Variants in CLEC12B observed in about 807,000 individuals in gnomAD.
The protein encoded by CLEC12B is macrophage antigen h.
Under a neutral mutation model 36.1 loss-of-function variants are expected in CLEC12B, and 25 were observed. That is an observed-to-expected ratio of 0.69 (90% CI 0.50 to 0.97). The LOEUF is 0.97. CLEC12B is among the 50% of genes least tolerant of loss of function. The pLI is 0.00. For synonymous variants in CLEC12B, 110 were observed against 108.5 expected, an observed-to-expected ratio of 1.01 and a Z score of -0.09; for missense variants, 325 against 318.4, an observed-to-expected ratio of 1.02 and a Z score of -0.16.
rs1051262244 is a variant in CLEC12B, at chr12:10,018,613, CT to C, written c.*134del. 1 of 723,966 alleles carries C rather than the reference CT, an allele frequency of 1.4e-6. No homozygotes were observed. Among genetic ancestry groups the C allele is most frequent in the African/African-American group, 1.8e-5 (1 of 54,884 alleles). 44.8% of individuals were successfully genotyped at this position (723,966 alleles called of 1,614,324 possible). On this transcript the variant is annotated 3_prime_UTR_variant, in exon 6 of 6. Coordinates refer to ENST00000338896, the MANE Select transcript of CLEC12B (RefSeq NM_001129998.3). The stretch of plus-strand genomic sequence containing the variant: ...GTATTTACATTATCAGACAAATGAA[CT>C]TGTTTAACAGAACATTCTCCAGTTC...
chr12:10,006,428 A>G (rs1232954270), upstream of CLEC12B, among the ~76,000 whole-genome samples: 1 of 151,640 alleles, frequency 6.6e-6, no homozygotes, highest in Non-Finnish European at 1.5e-5. Context: ...TTCTCTGGGT[A>G]CTATTCAATT....
chr12:10,018,657 G>C lies in CLEC12B; in HGVS notation c.*176G>C. The stretch of plus-strand genomic sequence containing the variant: ...TCCAGTTCCTTGTCTGACGTCTTCT[G>C]ATTTGATGTTATTATTCGGTCTTAA... On this transcript the variant is annotated 3_prime_UTR_variant, in exon 6 of 6. Coordinates refer to ENST00000338896, the MANE Select transcript of CLEC12B (RefSeq NM_001129998.3). 2 of 588,372 alleles carry C rather than the reference G, an allele frequency of 3.4e-6. No individual in the cohort carries two copies. Among genetic ancestry groups the C allele is most frequent in the Non-Finnish European group, 5.9e-6 (2 of 340,580 alleles). The allele number at this position is 588,372 out of a possible 1,614,324, so 36.4% of individuals were successfully genotyped here.
chr12:10,015,537 T>A, intron 4 of CLEC12B, 75 bp from the exon 5 acceptor site: 1 of 1,586,786 alleles, frequency 6.3e-7, no homozygotes, highest in Non-Finnish European at 8.6e-7. Context: ...ATTTAATGAA[T>A]GTCCTCATCT....
Position 10,017,542 on chromosome 12 carries a change from T to C in CLEC12B, c.681-789T>C, listed in dbSNP as rs758384072. 6 of 985,398 alleles carry C rather than the reference T, an allele frequency of 6.1e-6. No homozygotes were observed. In the East Asian group the frequency reaches 4.5e-4, roughly 75 times the overall value. The allele number at this position is 985,398 out of a possible 1,614,324, so 61.0% of individuals were successfully genotyped here. On this transcript the variant is annotated intron_variant, in intron 5 of 5. Coordinates refer to ENST00000338896, the MANE Select transcript of CLEC12B (RefSeq NM_001129998.3). ...CCTACAGACCCTGGCCCCTGAGACA[T>C]GCAGCTGTCAGACAAGCCAGCATGT...
chr12:10,010,279 T>C (rs1264989664), upstream of CLEC12B, among the ~76,000 whole-genome samples: 2 of 151,754 alleles, frequency 1.3e-5, no homozygotes, highest in African/African-American at 4.8e-5. Context: ...GTGGCACAGC[T>C]CTTTCTGTCT....
At chr12:10,007,052 C>G (rs764025951), upstream of CLEC12B, among the ~76,000 whole-genome samples, 1 of 148,594 alleles carries the variant, frequency 6.7e-6, no homozygotes, top group Non-Finnish European at 1.5e-5. Context: ...TAGACTCTGT[C>G]TCAATAAAAA....
chr12:10,007,214 C>T (rs973527386), upstream of CLEC12B, among the ~76,000 whole-genome samples: 3 of 151,688 alleles, frequency 2.0e-5, no homozygotes, highest in Non-Finnish European at 2.9e-5. Flanking sequence ...TATGGTGTTA[C>T]GGTGAACAAA....
chr12:10,017,044 C>T (rs1382061779), intron 5 of CLEC12B: 2 of 984,990 alleles, frequency 2.0e-6, no homozygotes, highest in Non-Finnish European at 2.4e-6. Flanking sequence ...CATGCTTCAG[C>T]TGTGACTCAG....
chr12:10,015,099 G>T lies in CLEC12B; in HGVS notation c.410-153G>T, dbSNP rs546141799. 71 of 675,186 alleles carry T rather than the reference G, an allele frequency of 1.1e-4. 2 individuals are homozygous for T. In the South Asian group the frequency reaches 1.4e-3, roughly 13 times the overall value. The allele number at this position is 675,186 out of a possible 1,614,324, so 41.8% of individuals were successfully genotyped here. A position where few individuals can be genotyped will look rare whatever the true frequency, so the allele number is the denominator to read the frequency against. The stretch of plus-strand genomic sequence containing the variant: ...CCCTGTTGCCCCAACCCATAACCAG[G>T]GGTCACTTTTTTTTCAGAGGCTTCT... On this transcript the variant is annotated intron_variant, in intron 3 of 5. Coordinates refer to ENST00000338896, the MANE Select transcript of CLEC12B (RefSeq NM_001129998.3).
Position 10,012,798 on chromosome 12 carries a change from A to G in CLEC12B, c.105A>G (p.Pro35=), listed in dbSNP as rs1032654811. 4.3e-6 allele frequency: 7 copies of G among 1,613,374 alleles called. No individual in the cohort carries two copies. In the African/African-American group the frequency reaches 9.3e-5, roughly 22 times the overall value. Residue 35 remains proline, a synonymous_variant, in exon 2 of 6, where the codon CCA becomes CCG. Transcript: ENST00000338896. ...NNLRKRGHPA[P]SPIWRHAALG... Reference sequence around the variant, plus strand: ...GGCTTTCTCCAGGGCATCCAGCTCCATCTCCCATTTGGCGTCATGCTGCTC... The same window carrying G: ...GGCTTTCTCCAGGGCATCCAGCTCCGTCTCCCATTTGGCGTCATGCTGCTC...
In CLEC12B at chr12:10,015,601, T is replaced by C; in HGVS notation, c.565-11T>C. 6.2e-7 allele frequency: 1 copy of C among 1,613,450 alleles called. No homozygotes were observed. Among genetic ancestry groups the C allele is most frequent in the South Asian group, 1.1e-5 (1 of 91,036 alleles). On this transcript the variant is annotated splice_polypyrimidine_tract_variant and intron_variant, in intron 4 of 5. Transcript: ENST00000338896. ...GCTCACGTAAAACTTTTTCTCTGTT[T>C]TCTCTCTTAGGATTTTCTTATGTCA...
At chr12:10,015,147 C>T in intron 3 of CLEC12B, 105 bp from the exon 4 acceptor site, 1 of 954,690 alleles carries the variant, frequency 1.0e-6, no homozygotes, top group Admixed American at 2.3e-5. Flanking sequence ...TTTCAGGGTG[C>T]AGGCTCTCAG....
chr12:10,006,964 G>A (rs142910639), upstream of CLEC12B, among the ~76,000 whole-genome samples: 4,186 of 151,892 alleles, frequency 0.028, 120 homozygotes, highest in African/African-American at 0.06. Context: ...CTGAGGCAGG[G>A]GAATGGCATG....
chr12:10,011,577 C>T (rs1367835275), intron 1 of CLEC12B, among the ~76,000 whole-genome samples: 1 of 152,214 alleles, frequency 6.6e-6, no homozygotes, highest in Non-Finnish European at 1.5e-5. Context: ...TGCTGGTCTT[C>T]AGCTCATTCT....
At chr12:10,010,512 G>C, upstream of CLEC12B, 1 of 312,470 alleles carries the variant, frequency 3.2e-6, no homozygotes. Context: ...AAACAGTTCT[G>C]ACAGAGCAGA....
In CLEC12B at chr12:10,018,505, GAAGT is replaced by G. The variant is rs777571289; in HGVS notation, c.*28_*31del. ...AGTATGCTTCTTCCAAATTCTCCAA[GAAGT>G]AAGAGACTTGTGAGTAAGCTCATAT... On this transcript the variant is annotated 3_prime_UTR_variant, in exon 6 of 6. Transcript: ENST00000338896. The G allele has an allele frequency of 5.8e-6, 9 of 1,542,190 alleles. No individual in the cohort carries two copies. The South Asian group carries it at 9.7e-5, about 17-fold the overall frequency.
Position 10,018,553 on chromosome 12 carries a change from G to T in CLEC12B, c.*72G>T. 1 of 1,304,712 alleles carries T rather than the reference G, an allele frequency of 7.7e-7. No individual in the cohort carries two copies. The highest frequency in any genetic ancestry group is 1.1e-6 in the Non-Finnish European group (1 of 948,808). The allele number at this position is 1,304,712 out of a possible 1,614,324, so 80.8% of individuals were successfully genotyped here. On this transcript the variant is annotated 3_prime_UTR_variant, in exon 6 of 6. Coordinates refer to ENST00000338896, the MANE Select transcript of CLEC12B (RefSeq NM_001129998.3). Reference sequence around the variant, plus strand: ...CTCATATGAGGAAAGAGGAAACTACGGTACCAGAGCCAAACCAGCTTTTAA... The same window carrying T: ...CTCATATGAGGAAAGAGGAAACTACTGTACCAGAGCCAAACCAGCTTTTAA...
Position 10,010,687 on chromosome 12 carries a change from A to G in CLEC12B, c.-73A>G. On this transcript the variant is annotated 5_prime_UTR_variant, in exon 1 of 6. Transcript: ENST00000338896. ...TACATCAAAGCTCCCAGCCTTGAAA[A>G]ACACATGCTGTTCCCAGGCCTCAAG... The G allele has an allele frequency of 1.0e-6, 1 of 979,104 alleles. No homozygotes were observed. The highest frequency in any genetic ancestry group is 2.6e-5 in the East Asian group (1 of 38,748). The allele number at this position is 979,104 out of a possible 1,614,324, so 60.7% of individuals were successfully genotyped here. A position where few individuals can be genotyped will look rare whatever the true frequency, so the allele number is the denominator to read the frequency against.
At chr12:10,013,666 C>G (rs758515392) in intron 2 of CLEC12B, among the ~76,000 whole-genome samples, 1 of 152,156 alleles carries the variant, frequency 6.6e-6, no homozygotes, top group East Asian at 1.9e-4. Context: ...CTGAATGATA[C>G]TAACATCTCC....
Sources: allele counts gnomAD v4.1 joint callset (sites outside exome capture counted in the v4.1 genomes callset), GRCh38; gene constraint gnomAD v4.1.1; transcripts MANE v1.5; gene names NCBI Gene and HGNC (gene_info 2026-07-23, HGNC 2026-07-21).